The following ENPP3 variants were observed in gnomAD, a reference collection of about 807,000 sequenced individuals.
ENPP3 encodes the protein ectonucleotide pyrophosphatase/phosphodiesterase 3, also known as ectonucleotide pyrophosphatase/phosphodiesterase family member 3.
In ENPP3, 104 loss-of-function variants were observed where a neutral mutation model predicts 117.8. The ratio of observed to expected loss-of-function variants is 0.88; its 90% CI spans 0.75 to 1.04. The LOEUF is 1.04. Ranked by LOEUF, ENPP3 falls within the 50% of genes least tolerant of loss-of-function variation. ENPP3 has a pLI of 0.00. For synonymous variants in ENPP3, 380 were observed against 349.9 expected (o/e 1.09, Z -0.96); for missense variants, 1,026 against 1,051.9 (o/e 0.98, Z 0.34).
chr6:131,664,566 A>G (rs1420485064), intron 6 of ENPP3, among the ~76,000 whole-genome samples: 1 of 152,202 alleles, frequency 6.6e-6, no homozygotes, highest in Non-Finnish European at 1.5e-5. Context: ...AGTTTACAGT[A>G]GTGTCCTAGA....
At chr6:131,678,570 C>G (rs891019294) in intron 11 of ENPP3, among the ~76,000 whole-genome samples, 4 of 152,232 alleles carry the variant, frequency 2.6e-5, no homozygotes, top group African/African-American at 9.6e-5. Flanking sequence ...GTCTTGGACA[C>G]AGTGGAAAGA....
Position 131,740,449 on chromosome 6 carries a change from G to A in ENPP3, c.2457+69G>A, listed in dbSNP as rs867474142. On this transcript the variant is annotated intron_variant, in intron 24 of 24. Coordinates refer to ENST00000357639, the MANE Select transcript of ENPP3 (RefSeq NM_005021.5). ...AGAGCTCATTTGGGTTCTCATAAAAGTGGCTCTGACTAAAACATTTTTTTT... is the reference window on the plus strand; with the variant it reads ...AGAGCTCATTTGGGTTCTCATAAAAATGGCTCTGACTAAAACATTTTTTTT... 6.3e-6 allele frequency: 8 copies of A among 1,272,136 alleles called. No individual in the cohort carries two copies. The Middle Eastern group carries it at 7.9e-4, about 126-fold the overall frequency. 78.8% of individuals were successfully genotyped at this position (1,272,136 alleles called of 1,614,324 possible).
chr6:131,654,930 T>G (rs562181653), intron 5 of ENPP3, among the ~76,000 whole-genome samples: 29 of 152,314 alleles, frequency 1.9e-4, no homozygotes, highest in Admixed American at 6.5e-4. Context: ...CCTGTAGGTC[T>G]TTTGCGCTAG....
intron 8 of ENPP3, 36 bp from the exon 9 acceptor site, chr6:131,675,044 A>G (rs191652361): frequency 1.6e-6 from 2 of 1,251,014 alleles, no homozygotes; most frequent in Non-Finnish European, 1.2e-6. Context: ...ACCCAAAGTA[A>G]TTACTGACTT....
Position 131,650,104 on chromosome 6 carries a change from C to CGAGGTG in ENPP3, c.233_238dup (p.Gly79_Asp80insGlyGly). 6.2e-7 allele frequency: 1 copy of CGAGGTG among 1,613,980 alleles called. No individual in the cohort carries two copies. Among genetic ancestry groups the CGAGGTG allele is most frequent in the Non-Finnish European group, 8.5e-7 (1 of 1,179,940 alleles). On this transcript the variant is annotated inframe_insertion, in exon 3 of 25. Coordinates refer to ENST00000357639, the MANE Select transcript of ENPP3 (RefSeq NM_005021.5). ...CCGGTGTGATGTGGCATGTAAAGAC[C>CGAGGTG]GAGGTGATTGCTGCTGGGATTTTGA...
intron 6 of ENPP3, among the ~76,000 whole-genome samples, chr6:131,663,823 T>C (rs1408331235): frequency 3.3e-5 from 5 of 152,148 alleles, no homozygotes; most frequent in Non-Finnish European, 7.4e-5. Context: ...CATAAAATAG[T>C]ACACATATTT....
chr6:131,664,109 G>T (rs1585635063), intron 6 of ENPP3, among the ~76,000 whole-genome samples: 1 of 152,220 alleles, frequency 6.6e-6, no homozygotes, highest in South Asian at 2.1e-4. Context: ...ACAGCCTCAG[G>T]CAGGTTTTTC....
chr6:131,738,692 A>T (rs995872638), intron 23 of ENPP3, among the ~76,000 whole-genome samples: 1 of 152,186 alleles, frequency 6.6e-6, no homozygotes, highest in East Asian at 1.9e-4. Context: ...AAGCCTGGTC[A>T]TAACAGGTTG....
intron 10 of ENPP3, among the ~76,000 whole-genome samples, chr6:131,677,567 C>T (rs977312774): frequency 1.3e-5 from 2 of 152,136 alleles, no homozygotes; most frequent in African/African-American, 4.8e-5. Flanking sequence ...AGCAAAAAGT[C>T]AGAAACCAGG....
At chr6:131,714,125 G>A (rs545542239) in intron 15 of ENPP3, among the ~76,000 whole-genome samples, 1 of 152,196 alleles carries the variant, frequency 6.6e-6, no homozygotes, top group South Asian at 2.1e-4. Flanking sequence ...TACTGAAAAG[G>A]AAAAACATCA....
At chr6:131,677,452 A>G (rs1031542534) in intron 10 of ENPP3, among the ~76,000 whole-genome samples, 6 of 152,128 alleles carry the variant, frequency 3.9e-5, no homozygotes, top group Admixed American at 3.3e-4. Flanking sequence ...TCAAGCCCAT[A>G]CCCACAGATT....
At chr6:131,660,220 G>A (rs1778470396) in intron 6 of ENPP3, among the ~76,000 whole-genome samples, 1 of 152,138 alleles carries the variant, frequency 6.6e-6, no homozygotes, top group Non-Finnish European at 1.5e-5. Flanking sequence ...AATAGGATTA[G>A]GATTATGTTA....
chr6:131,652,695 C>G (rs1454412036), intron 4 of ENPP3, 28 bp downstream of exon 4: 5 of 1,613,422 alleles, frequency 3.1e-6, no homozygotes, highest in Non-Finnish European at 4.2e-6. Flanking sequence ...GACTCATTTG[C>G]CCCTGCGAGT....
chr6:131,718,694 G>T lies in ENPP3; in HGVS notation c.1435G>T (p.Gly479Ter). ...AVRSKSNTNCGGGNHGYNNEF... is the reference protein window; with the variant it reads ...AVRSKSNTNC The stretch of plus-strand genomic sequence containing the variant: ...TAGGAGTAAATCAAATACAAATTGT[G>T]GAGGAGGCAACCATGGTTATAACAA... Residue 479 changes from glycine (G) to a stop codon, truncating the protein, a stop_gained, in exon 16 of 25, where the codon GGA (glycine) becomes TGA (stop). Coordinates refer to ENST00000357639, the MANE Select transcript of ENPP3 (RefSeq NM_005021.5). LOFTEE classifies it high-confidence loss of function. The T allele has an allele frequency of 6.2e-7, 1 of 1,601,406 alleles. No homozygotes were observed. Among genetic ancestry groups the T allele is most frequent in the East Asian group, 2.2e-5 (1 of 44,590 alleles).
In ENPP3 at chr6:131,654,263, A is replaced by G. The variant is rs143369563; in HGVS notation, c.464+1372A>G. On this transcript the variant is annotated intron_variant, in intron 5 of 24. Coordinates refer to ENST00000357639, the MANE Select transcript of ENPP3 (RefSeq NM_005021.5). ...ATCCTCCCATCTCGGCCTCGTAAGTATTTGAGACTACAGGCATGGGCCACC... is the reference window on the plus strand; with the variant it reads ...ATCCTCCCATCTCGGCCTCGTAAGTGTTTGAGACTACAGGCATGGGCCACC... Among the ~76,000 whole-genome samples, 11 of 151,974 alleles carry G rather than the reference A, an allele frequency of 7.2e-5. No individual in the cohort carries two copies. In the East Asian group the frequency reaches 2.1e-3, roughly 29 times the overall value.
intron 21 of ENPP3, among the ~76,000 whole-genome samples, 153 bp from the exon 22 acceptor site, chr6:131,737,202 G>T (rs1304947655): frequency 2.0e-5 from 3 of 152,122 alleles, no homozygotes; most frequent in Admixed American, 6.5e-5. Context: ...GCATAAAACT[G>T]CCTGCATTAT....
At chr6:131,690,910 C>G (rs1282668063) in intron 14 of ENPP3, among the ~76,000 whole-genome samples, 8 of 152,010 alleles carry the variant, frequency 5.3e-5, no homozygotes, top group Admixed American at 2.0e-4. Context: ...CATGTGGACT[C>G]TCTAAATCCA....
At chr6:131,693,952 G>T (rs967364365) in intron 15 of ENPP3, among the ~76,000 whole-genome samples, 1 of 152,160 alleles carries the variant, frequency 6.6e-6, no homozygotes, top group African/African-American at 2.4e-5. Context: ...CTTTCAGCCT[G>T]ATAATGAGTG....
chr6:131,738,871 C>A (rs1404777910), intron 23 of ENPP3, among the ~76,000 whole-genome samples: 2 of 152,154 alleles, frequency 1.3e-5, no homozygotes, highest in Non-Finnish European at 2.9e-5. Flanking sequence ...GATAAAGTAA[C>A]ATTTATGACT....
Sources: allele counts gnomAD v4.1 joint callset (sites outside exome capture counted in the v4.1 genomes callset), GRCh38; gene constraint gnomAD v4.1.1; transcripts MANE v1.5; gene names NCBI Gene and HGNC (gene_info 2026-07-23, HGNC 2026-07-21).